Variants in DRC8 observed in about 807,000 individuals in gnomAD.
DRC8 encodes the protein dynein regulatory complex subunit 8.
At chr1:244,970,142 T>G in the DRC8 span, 2 of 683,696 alleles carry the variant, frequency 2.9e-6, no homozygotes, top group Non-Finnish European at 5.3e-6. Context: ...CCGGGACAAG[T>G]CCGGCTCCGG....
chr1:244,970,290 GT>G, the DRC8 span: 3 of 818,538 alleles, frequency 3.7e-6, no homozygotes, highest in Non-Finnish European at 6.0e-6. Flanking sequence ...CCGCCCAAGG[GT>G]CTTCCTCCCC....
At chr1:245,125,117 T>C in the DRC8 span, 1 of 152,256 alleles carries the variant, frequency 6.6e-6, no homozygotes, top group African/African-American at 2.4e-5. Context: ...TGTTTGCTTA[T>C]CCCTTCATCA....
chr1:245,098,782 T>C, the DRC8 span, among the ~76,000 whole-genome samples: 1 of 152,214 alleles, frequency 6.6e-6, no homozygotes, highest in Non-Finnish European at 1.5e-5. Context: ...CATTCTTCTC[T>C]GAGTAGGGAG....
chr1:244,984,955 T>G, the DRC8 span, among the ~76,000 whole-genome samples: 1 of 152,160 alleles, frequency 6.6e-6, no homozygotes, highest in Non-Finnish European at 1.5e-5. Context: ...TTTCATTTAT[T>G]ATGCTGTAAA....
the DRC8 span, among the ~76,000 whole-genome samples, chr1:245,111,564 C>T: frequency 5.9e-5 from 9 of 152,184 alleles, no homozygotes; most frequent in East Asian, 5.8e-4. Context: ...TGAACGTATT[C>T]GCAGTGCCTC....
the DRC8 span, among the ~76,000 whole-genome samples, chr1:245,069,371 T>C: frequency 6.6e-6 from 1 of 152,080 alleles, no homozygotes; most frequent in Non-Finnish European, 1.5e-5. Context: ...TGGGTCATCA[T>C]AAAGGTCTCG....
the DRC8 span, chr1:245,087,084 A>G: frequency 9.5e-7 from 1 of 1,051,726 alleles, no homozygotes; most frequent in Non-Finnish European, 1.4e-6. Flanking sequence ...CTTGTCTTTG[A>G]ACCTCTGGAC....
At chr1:245,053,373 T>TCATG in the DRC8 span, among the ~76,000 whole-genome samples, 4 of 152,190 alleles carry the variant, frequency 2.6e-5, no homozygotes, top group Admixed American at 1.3e-4. Context: ...ATGAGCTGTC[T>TCATG]AGGCCTGAGA....
At chr1:245,122,068 T>G in the DRC8 span, 19 of 281,130 alleles carry the variant, frequency 6.8e-5, no homozygotes, top group Non-Finnish European at 1.3e-4. Context: ...CTGGCTAATT[T>G]CTGTATTTTT....
chr1:245,120,415 C>T, the DRC8 span, among the ~76,000 whole-genome samples: 1 of 152,330 alleles, frequency 6.6e-6, no homozygotes, highest in East Asian at 1.9e-4. Context: ...TTTTATTTAA[C>T]CAGTTCCCTT....
chr1:245,056,445 G>A, the DRC8 span, among the ~76,000 whole-genome samples: 1 of 152,132 alleles, frequency 6.6e-6, no homozygotes, highest in Non-Finnish European at 1.5e-5. Flanking sequence ...GTCCCAGAGA[G>A]GAACATGGAG....
the DRC8 span, among the ~76,000 whole-genome samples, chr1:245,104,490 C>T: frequency 0.013 from 1,878 of 146,254 alleles, 49 homozygotes; most frequent in African/African-American, 0.045. Context: ...GGGGACAGAT[C>T]GAGACTCTGT....
At chr1:244,970,471 G>A in the DRC8 span, 1 of 1,523,230 alleles carries the variant, frequency 6.6e-7, no homozygotes. Context: ...GGGAGCCGCT[G>A]CCCTCGCCGC....
At chr1:245,005,086 T>C in the DRC8 span, among the ~76,000 whole-genome samples, 1 of 152,308 alleles carries the variant, frequency 6.6e-6, no homozygotes, top group African/African-American at 2.4e-5. Context: ...ATTATGGTGA[T>C]TGGTTTTCAT....
chr1:244,997,649 T>G, the DRC8 span, among the ~76,000 whole-genome samples: 2 of 151,798 alleles, frequency 1.3e-5, no homozygotes, highest in African/African-American at 4.8e-5. Flanking sequence ...GTTCAAGCAA[T>G]TCTCCTGCCT....
At chr1:245,071,982 G>A in the DRC8 span, among the ~76,000 whole-genome samples, 2 of 152,190 alleles carry the variant, frequency 1.3e-5, no homozygotes, top group African/African-American at 4.8e-5. Flanking sequence ...GGAGCAGCAG[G>A]AACTCTCCTT....
chr1:244,971,922 T>C, the DRC8 span, among the ~76,000 whole-genome samples: 1 of 129,012 alleles, frequency 7.8e-6, no homozygotes, highest in African/African-American at 2.8e-5. Flanking sequence ...TTTAAAACTT[T>C]CCCAGAAAAA....
At chr1:245,076,972 A>G in the DRC8 span, among the ~76,000 whole-genome samples, 522 of 152,108 alleles carry the variant, frequency 3.4e-3, 1 homozygote, top group Non-Finnish European at 5.5e-3. Flanking sequence ...TGATCCGCCC[A>G]CCTTAGCCTC....
At chr1:245,039,562 G>T in the DRC8 span, among the ~76,000 whole-genome samples, 2 of 151,404 alleles carry the variant, frequency 1.3e-5, no homozygotes, top group South Asian at 4.2e-4. Flanking sequence ...ATAAATTAAC[G>T]TTGGTTCAGT....
Sources: allele counts gnomAD v4.1 joint callset (sites outside exome capture counted in the v4.1 genomes callset), GRCh38; gene constraint gnomAD v4.1.1; transcripts MANE v1.5; gene names NCBI Gene and HGNC (gene_info 2026-07-23, HGNC 2026-07-21).